Variants in CLEC16A observed in about 807,000 individuals in gnomAD.
CLEC16A encodes the protein protein CLEC16A.
A neutral mutation model predicts 109.5 loss-of-function variants in CLEC16A; 51 were observed. That is an observed-to-expected ratio of 0.47 (90% CI 0.37 to 0.59). The LOEUF (loss-of-function observed/expected upper bound fraction) is 0.59, where lower values mean the gene tolerates loss of function less well. Among genes scored for constraint, CLEC16A ranks in the 20% least tolerant of loss-of-function variants. The pLI, the probability that CLEC16A is intolerant of heterozygous loss-of-function variation, is 0.00. For synonymous variants in CLEC16A, 673 were observed against 564.2 expected, an observed-to-expected ratio of 1.19 and a Z score of -2.73; for missense variants, 1,339 against 1,394.0, an observed-to-expected ratio of 0.96 and a Z score of 0.63.
chr16:11,070,365 C>T lies in CLEC16A; in HGVS notation c.2116+9343C>T, dbSNP rs546048946. Among the ~76,000 whole-genome samples, 12 of 151,468 alleles carry T rather than the reference C, an allele frequency of 7.9e-5. 1 individual carries two copies. Among genetic ancestry groups the T allele is most frequent in the South Asian group, 6.3e-4 (3 of 4,784 alleles). Reference sequence around the variant, plus strand: ...GATTACAGGCGTGAGCCACTGCACCCGGCCTTTTTTTTTTTTTTTAAGCTA... The same window carrying T: ...GATTACAGGCGTGAGCCACTGCACCTGGCCTTTTTTTTTTTTTTTAAGCTA... On this transcript the variant is annotated intron_variant, in intron 19 of 23. Coordinates refer to ENST00000409790, the MANE Select transcript of CLEC16A (RefSeq NM_015226.3).
chr16:10,969,441 T>A (rs186154955), intron 4 of CLEC16A, 132 bp downstream of exon 4: 2 of 594,974 alleles, frequency 3.4e-6, no homozygotes, highest in East Asian at 3.4e-5. Flanking sequence ...TTGTTATGAT[T>A]TTCATGGCAA....
intron 18 of CLEC16A, among the ~76,000 whole-genome samples, chr16:11,052,241 A>G (rs1268018955): frequency 6.6e-6 from 1 of 152,146 alleles, no homozygotes; most frequent in Non-Finnish European, 1.5e-5. Flanking sequence ...CTCCCGGGTA[A>G]GATCAGAGTT....
Position 10,954,016 on chromosome 16 carries a change from C to T in CLEC16A, c.81-3766C>T, listed in dbSNP as rs990572329. Among the ~76,000 whole-genome samples the T allele has an allele frequency of 1.3e-5, 2 of 151,886 alleles. No individual in the cohort carries two copies. The highest frequency in any genetic ancestry group is 4.8e-5 in the African/African-American group (2 of 41,356). ...GGGCAAAAGACTTGCACAGGCACCT[C>T]ACAAAAGAAGATATTCAAACAGTCC... is the stretch of plus-strand genomic sequence containing the variant. On this transcript the variant is annotated intron_variant, in intron 1 of 23. Transcript: ENST00000409790. The surrounding 1 kb of genome is among the most constrained non-coding windows in gnomAD (Gnocchi z 4.2).
Position 10,971,145 on chromosome 16 carries a change from G to A in CLEC16A, c.513G>A (p.Leu171=), listed in dbSNP as rs1191641189. ...FYNEHTNDFA[L]YTEAIKFFNH... ...TTTAGCACACCAATGACTTTGCCCTGTACACAGAAGCCATCAAGTTTTTCA... is the reference window on the plus strand; with the variant it reads ...TTTAGCACACCAATGACTTTGCCCTATACACAGAAGCCATCAAGTTTTTCA... The change falls in exon 5 of 24, where the codon CTG becomes CTA. Residue 171 remains leucine (L), a synonymous_variant. Transcript: ENST00000409790. The A allele has an allele frequency of 6.8e-6, 11 of 1,613,016 alleles. No homozygotes were observed. Among genetic ancestry groups the A allele is most frequent in the Non-Finnish European group, 9.3e-6 (11 of 1,179,336 alleles).
chr16:10,963,293 C>T (rs1015035130), intron 3 of CLEC16A, among the ~76,000 whole-genome samples: 5 of 152,166 alleles, frequency 3.3e-5, no homozygotes, highest in East Asian at 1.9e-4. Context: ...TTAATTACCT[C>T]GCCAAAGGCC....
chr16:10,966,574 T>A (rs2042518217), intron 3 of CLEC16A, among the ~76,000 whole-genome samples: 1 of 152,196 alleles, frequency 6.6e-6, no homozygotes, highest in Non-Finnish European at 1.5e-5. Flanking sequence ...GGCTGGGTAC[T>A]TTATAAGGGA....
In CLEC16A at chr16:11,178,556, G is replaced by C. The variant is rs1387459913; in HGVS notation, c.3028G>C (p.Val1010Leu). The C allele has an allele frequency of 3.1e-6, 5 of 1,612,306 alleles. No individual in the cohort carries two copies. Among genetic ancestry groups the C allele is most frequent in the Non-Finnish European group, 4.2e-6 (5 of 1,179,832 alleles). Residue 1010 changes from valine (V) to leucine (L), a missense_variant, in exon 24 of 24, where the codon GTC becomes CTC. Val to Leu is a conservative substitution (Grantham distance 32, BLOSUM62 1). Around this residue, in one of 3 missense-constraint regions of CLEC16A, gnomAD observed 1,061 missense variants for 1,006.8 expected, o/e 1.05. Transcript: ENST00000409790. The surrounding 1 kb of genome is among the most constrained non-coding windows in gnomAD (Gnocchi z 6.5). ...GCTGAGCGTCGAATCGCTGACCCTT[G>C]TCCCCCCAGTTGACCCCCACAGCCT... The part of the protein sequence containing the change: ...DTLSVESLTL[V>L]PPVDPHSLRS...
chr16:11,152,206 A>G (rs149665145), intron 22 of CLEC16A, among the ~76,000 whole-genome samples: 3 of 152,344 alleles, frequency 2.0e-5, no homozygotes, highest in Admixed American at 6.5e-5. Flanking sequence ...TTTTAAAAGA[A>G]AGTGGAAGCC....
Position 11,125,975 on chromosome 16 carries a change from G to C in CLEC16A, c.2474-4G>C, listed in dbSNP as rs753516891. ...GAGTGAACCATGCTATTGTTTGACC[G>C]TAGCCCTCCTGGACCTCCCAATCCA... is the stretch of plus-strand genomic sequence containing the variant. On this transcript the variant is annotated splice_polypyrimidine_tract_variant and splice_region_variant and intron_variant, in intron 21 of 23. Coordinates refer to ENST00000409790, the MANE Select transcript of CLEC16A (RefSeq NM_015226.3). 2 of 1,592,110 alleles carry C rather than the reference G, an allele frequency of 1.3e-6. No individual in the cohort carries two copies. The highest frequency in any genetic ancestry group is 1.7e-6 in the Non-Finnish European group (2 of 1,173,906).
chr16:11,163,678 C>G (rs898647081), intron 22 of CLEC16A, among the ~76,000 whole-genome samples: 3 of 152,096 alleles, frequency 2.0e-5, no homozygotes, highest in Admixed American at 2.0e-4. Context: ...TGTAATAAAC[C>G]ATGGCTTTAA....
chr16:10,957,717 G>A, intron 1 of CLEC16A, 65 bp from the exon 2 acceptor site: 2 of 1,546,868 alleles, frequency 1.3e-6, no homozygotes, highest in South Asian at 1.1e-5. Context: ...ATTGCTAATG[G>A]TCATGGAACT....
intron 18 of CLEC16A, among the ~76,000 whole-genome samples, chr16:11,059,259 G>T (rs189270903): frequency 6.6e-6 from 1 of 152,254 alleles, no homozygotes; most frequent in East Asian, 1.9e-4. Flanking sequence ...TCTCCCAATT[G>T]TTAGAGATGT....
At chr16:11,061,623 C>G (rs1423528920) in intron 19 of CLEC16A, among the ~76,000 whole-genome samples, 1 of 152,230 alleles carries the variant, frequency 6.6e-6, no homozygotes, top group East Asian at 1.9e-4. Flanking sequence ...ATTTGTATAG[C>G]TTTCTCTTTC....
Position 10,979,363 on chromosome 16 carries a change from CTCTTTA to C in CLEC16A, c.943_948del (p.Tyr315_Leu316del). The C allele has an allele frequency of 6.2e-7, 1 of 1,613,222 alleles. No individual in the cohort carries two copies. The highest frequency in any genetic ancestry group is 8.5e-7 in the Non-Finnish European group (1 of 1,179,672). ...CGGCCGAAAATTAGCCTGCCGGTGT[CTCTTTA>C]TCTTCTGTCACAGGTATGCTTGATC... On this transcript the variant is annotated inframe_deletion, in exon 9 of 24. Coordinates refer to ENST00000409790, the MANE Select transcript of CLEC16A (RefSeq NM_015226.3).
intron 22 of CLEC16A, among the ~76,000 whole-genome samples, chr16:11,154,394 A>T (rs1434013213): frequency 6.6e-6 from 1 of 152,236 alleles, no homozygotes; most frequent in Non-Finnish European, 1.5e-5. Context: ...GTTTTTAAGA[A>T]TCTAGATGAA....
intron 19 of CLEC16A, among the ~76,000 whole-genome samples, chr16:11,079,115 C>G (rs904763129): frequency 6.6e-6 from 1 of 152,168 alleles, no homozygotes; most frequent in East Asian, 1.9e-4. Context: ...GTAGCTGAAC[C>G]CATTCTGTGC....
At chr16:11,064,590 A>G (rs979531381) in intron 19 of CLEC16A, among the ~76,000 whole-genome samples, 2 of 152,190 alleles carry the variant, frequency 1.3e-5, no homozygotes, top group African/African-American at 2.4e-5. Context: ...CAGCCTGAGC[A>G]ACGTAGTGAG....
chr16:10,965,951 CTG>C (rs1421615806), intron 3 of CLEC16A, among the ~76,000 whole-genome samples: 4 of 152,300 alleles, frequency 2.6e-5, no homozygotes, highest in East Asian at 1.9e-4. Flanking sequence ...AGTATGGTGT[CTG>C]TGCTGCTGGT....
chr16:11,153,185 G>A (rs925031884), intron 22 of CLEC16A, among the ~76,000 whole-genome samples: 3 of 152,106 alleles, frequency 2.0e-5, no homozygotes, highest in African/African-American at 7.2e-5. Context: ...CCTGCTTCCT[G>A]GATGGGTTCT....
Sources: gnomAD v4.1 joint callset for allele counts (sites outside exome capture counted in the v4.1 genomes callset) on GRCh38, gnomAD v4.1.1 for gene constraint, gnomAD v4.1.1 regional missense constraint, Gnocchi (gnomAD v3.1) non-coding constraint, MANE v1.5 for transcripts, NCBI Gene and HGNC (gene_info 2026-07-23, HGNC 2026-07-21) for gene names.